ME3: variants seen among roughly 807,000 people sequenced by gnomAD.
ME3 encodes the protein malic enzyme 3.
In ME3, 48 loss-of-function variants were observed where a neutral mutation model predicts 68.9. The observed-to-expected ratio is 0.70, with a 90% CI of 0.55 to 0.89. The LOEUF (loss-of-function observed/expected upper bound fraction) is 0.89, where lower values mean the gene tolerates loss of function less well. Among genes scored for constraint, ME3 ranks in the 40% least tolerant of loss-of-function variants. ME3 has a pLI of 0.00. For synonymous variants in ME3, 320 were observed against 318.8 expected (o/e 1.00, Z -0.04); for missense variants, 675 against 797.4 (o/e 0.85, Z 1.85).
chr11:86,670,259 G>A (rs1946835915), intron 2 of ME3, among the ~76,000 whole-genome samples: 1 of 152,230 alleles, frequency 6.6e-6, no homozygotes, highest in Non-Finnish European at 1.5e-5. Context: ...ATGATGTGGT[G>A]TGAGAACAGG....
At chr11:86,616,361 C>A (rs1942957842) in intron 2 of ME3, among the ~76,000 whole-genome samples, 1 of 152,202 alleles carries the variant, frequency 6.6e-6, no homozygotes, top group Non-Finnish European at 1.5e-5. Flanking sequence ...CCTGAAACAT[C>A]ACTTTATTAG....
At chr11:86,630,735 A>G (rs555629506) in intron 2 of ME3, among the ~76,000 whole-genome samples, 11 of 152,236 alleles carry the variant, frequency 7.2e-5, no homozygotes, top group Non-Finnish European at 1.6e-4. Context: ...AGCTGTTGTT[A>G]TTATTGAATG....
chr11:86,515,711 C>A (rs373916169), intron 4 of ME3, among the ~76,000 whole-genome samples: 1 of 152,140 alleles, frequency 6.6e-6, no homozygotes, highest in Non-Finnish European at 1.5e-5. Context: ...CAGCTCTTTA[C>A]GGATGATTGG....
chr11:86,588,540 A>G (rs1392640389), intron 2 of ME3, among the ~76,000 whole-genome samples: 1 of 152,170 alleles, frequency 6.6e-6, no homozygotes, highest in Non-Finnish European at 1.5e-5. Context: ...CCATATTTCA[A>G]CCCCAATACG....
chr11:86,588,592 G>C (rs1958873442), intron 2 of ME3, among the ~76,000 whole-genome samples: 1 of 152,188 alleles, frequency 6.6e-6, no homozygotes, highest in African/African-American at 2.4e-5. Context: ...GCAAGCTGGA[G>C]GATGAGCCAT....
At chr11:86,462,993 A>T (rs373354606) in intron 8 of ME3, among the ~76,000 whole-genome samples, 6 of 152,190 alleles carry the variant, frequency 3.9e-5, no homozygotes, top group East Asian at 3.8e-4. Flanking sequence ...AATAAAGGGA[A>T]GGGCAGAGAG....
At chr11:86,476,868 G>C (rs2138841389) in intron 7 of ME3, among the ~76,000 whole-genome samples, 1 of 152,296 alleles carries the variant, frequency 6.6e-6, no homozygotes, top group East Asian at 1.9e-4. Flanking sequence ...CTGGGGAAGA[G>C]AGGAAAAGTA....
At chr11:86,446,281 T>C in intron 13 of ME3, 33 bp downstream of exon 13, 1 of 1,611,132 alleles carries the variant, frequency 6.2e-7, no homozygotes, top group Non-Finnish European at 8.5e-7. Context: ...CAGACCCTAC[T>C]GCAAGCATTT....
chr11:86,505,942 G>A (rs1953043812), intron 5 of ME3, among the ~76,000 whole-genome samples: 1 of 152,174 alleles, frequency 6.6e-6, no homozygotes, highest in Admixed American at 6.5e-5. Flanking sequence ...TCTGCCCCTT[G>A]TCCTCTGGGG....
At chr11:86,627,421 T>G (rs1436634910) in intron 2 of ME3, among the ~76,000 whole-genome samples, 1 of 152,158 alleles carries the variant, frequency 6.6e-6, no homozygotes, top group Non-Finnish European at 1.5e-5. Flanking sequence ...CCCTTTATGG[T>G]TTTCAACTTT....
At chr11:86,567,259 G>GAAGA (rs1957539485) in intron 2 of ME3, among the ~76,000 whole-genome samples, 1 of 150,316 alleles carries the variant, frequency 6.7e-6, no homozygotes, top group Non-Finnish European at 1.5e-5. Flanking sequence ...AGGAAGGAAG[G>GAAGA]AAGGAAGGAA....
intron 2 of ME3, among the ~76,000 whole-genome samples, chr11:86,617,061 T>G (rs937042771): frequency 2.2e-5 from 3 of 138,836 alleles, no homozygotes; most frequent in Non-Finnish European, 3.1e-5. Context: ...TTTTTTTTTT[T>G]TTTTTTTTTT....
intron 7 of ME3, among the ~76,000 whole-genome samples, chr11:86,466,950 A>G (rs1321407741): frequency 1.3e-5 from 2 of 152,224 alleles, no homozygotes; most frequent in East Asian, 1.9e-4. Context: ...AGTGGGCACA[A>G]TAATATCTGC....
At position 86,655,153 on chromosome 11, in the gene ME3, G is replaced by A. The variant is rs545283006; in HGVS notation, c.183+16609C>T. Among the ~76,000 whole-genome samples, 6 of 152,288 alleles carry A rather than the reference G, an allele frequency of 3.9e-5. No individual in the cohort carries two copies. The South Asian group carries it at 8.3e-4, about 21-fold the overall frequency. ...CTCATGGGCAGGAAGAATCAATATCGTGAAAATGGCCACACTGTCCAAGGT... is the reference window on the plus strand; with the variant it reads ...CTCATGGGCAGGAAGAATCAATATCATGAAAATGGCCACACTGTCCAAGGT... On this transcript the variant is annotated intron_variant, in intron 2 of 14. Transcript: ENST00000543262.
intron 3 of ME3, 40 bp downstream of exon 3, chr11:86,559,650 C>T: frequency 6.3e-7 from 1 of 1,583,596 alleles, no homozygotes; most frequent in Non-Finnish European, 8.6e-7. Context: ...GACAGCTCAG[C>T]CCAAGGACCA....
intron 2 of ME3, among the ~76,000 whole-genome samples, chr11:86,590,940 A>G (rs1162582037): frequency 2.0e-5 from 3 of 152,224 alleles, no homozygotes; most frequent in Non-Finnish European, 2.9e-5. Flanking sequence ...CAAATGGAGT[A>G]GAGGTGAAAA....
At chr11:86,574,411 G>A (rs1169106940) in intron 2 of ME3, among the ~76,000 whole-genome samples, 1 of 46,284 alleles carries the variant, frequency 2.2e-5, no homozygotes, top group African/African-American at 5.8e-5. Context: ...GGGGGGGGGG[G>A]TGTCTTTTTT....
chr11:86,591,057 A>G (rs191877915), intron 2 of ME3, among the ~76,000 whole-genome samples: 25 of 152,324 alleles, frequency 1.6e-4, no homozygotes, highest in Admixed American at 9.8e-4. Context: ...GGATGTTTCA[A>G]ACCTAGTGAG....
At chr11:86,656,468 A>T (rs114386327) in intron 2 of ME3, among the ~76,000 whole-genome samples, 36 of 152,232 alleles carry the variant, frequency 2.4e-4, no homozygotes, top group Non-Finnish European at 4.0e-4. Flanking sequence ...TCAAACTGGG[A>T]ACCATCATTC....
Sources: gnomAD v4.1 joint callset for allele counts (sites outside exome capture counted in the v4.1 genomes callset) on GRCh38, gnomAD v4.1.1 for gene constraint, MANE v1.5 for transcripts, NCBI Gene and HGNC (gene_info 2026-07-23, HGNC 2026-07-21) for gene names.